SH2B3: variants seen among roughly 807,000 people sequenced by gnomAD.
SH2B3 encodes the protein SH2B adapter protein 3.
A neutral mutation model predicts 51.9 loss-of-function variants in SH2B3; 43 were observed. That is an observed-to-expected ratio of 0.83 (90% CI 0.65 to 1.07). The LOEUF (loss-of-function observed/expected upper bound fraction) is 1.07. Among genes scored for constraint, SH2B3 ranks in the 50% least tolerant of loss-of-function variants. SH2B3 has a pLI of 0.00. For synonymous variants in SH2B3, 396 were observed against 376.0 expected, an observed-to-expected ratio of 1.05 and a Z score of -0.62; for missense variants, 952 against 834.3, an observed-to-expected ratio of 1.14 and a Z score of -1.74.
rs1565992800 is a variant in SH2B3, at chr12:111,448,203, G to T, written c.1629G>T (p.Glu543Asp). 1.2e-6 allele frequency: 2 copies of T among 1,614,124 alleles called. No individual in the cohort carries two copies. The highest frequency in any genetic ancestry group is 8.5e-7 in the Non-Finnish European group (1 of 1,180,020). ...EELANSLQHL[E>D]HEPVNRARDS... ...TGGCCAACAGCCTGCAGCACCTGGAGCATGAGCCTGTGAATCGAGCCCGGG... is the reference window on the plus strand; with the variant it reads ...TGGCCAACAGCCTGCAGCACCTGGATCATGAGCCTGTGAATCGAGCCCGGG... Residue 543 changes from glutamate (E) to aspartate (D), a missense_variant, in exon 8 of 8, where the codon GAG becomes GAT. Glu to Asp is a conservative substitution (Grantham distance 45, BLOSUM62 2). Coordinates refer to ENST00000341259, the MANE Select transcript of SH2B3 (RefSeq NM_005475.3).
Position 111,418,782 on chromosome 12 carries a change from A to G in SH2B3, c.637A>G (p.Ser213Gly). 6.8e-7 allele frequency: 1 copy of G among 1,466,886 alleles called. No homozygotes were observed. Among genetic ancestry groups the G allele is most frequent in the African/African-American group, 1.5e-5 (1 of 67,186 alleles). The allele number at this position is 1,466,886 out of a possible 1,614,324, so 90.9% of individuals were successfully genotyped here. A position where few individuals can be genotyped will look rare whatever the true frequency, so the allele number is the denominator to read the frequency against. The stretch of plus-strand genomic sequence containing the variant: ...CCTGGCCGACGAGGCCTCCATGGAC[A>G]GCGGGGCACGCTGGCAGCGCGGGAG... ...YSLADEASMD[S>G]GARWQRGRLA... is the part of the protein sequence containing the mutation. The change falls in exon 2 of 8, where the codon AGC (serine) becomes GGC (glycine). Residue 213 changes from serine (S) to glycine (G), a missense_variant. Transcript: ENST00000341259. This position sits in a 1 kb window ranked among gnomAD's most constrained non-coding sequence, Gnocchi z 6.7.
rs1874543660 is a variant in SH2B3, at chr12:111,451,084, C to CT, written c.*2783dup. 1 of 152,724 alleles carries CT rather than the reference C, an allele frequency of 6.5e-6. No individual in the cohort carries two copies. The highest frequency in any genetic ancestry group is 1.5e-5 in the Non-Finnish European group (1 of 68,072). 9.5% of individuals were successfully genotyped at this position (152,724 alleles called of 1,614,324 possible). A position where few individuals can be genotyped will look rare whatever the true frequency, so the allele number is the denominator to read the frequency against. ...ATCTGACTTATTGAACTTTTACAAA[C>CT]TAACAGTCACCAGCACCAAAGAATT... On this transcript the variant is annotated 3_prime_UTR_variant, in exon 8 of 8. Coordinates refer to ENST00000341259, the MANE Select transcript of SH2B3 (RefSeq NM_005475.3).
At chr12:111,433,261 G>T (rs1234710200) in intron 2 of SH2B3, among the ~76,000 whole-genome samples, 1 of 152,124 alleles carries the variant, frequency 6.6e-6, no homozygotes, top group Admixed American at 6.6e-5. Context: ...TGAGGCAGAA[G>T]AATCACTTGA....
At position 111,438,575 on chromosome 12, in the gene SH2B3, T is replaced by G. The variant is rs930300376; in HGVS notation, c.733-8178T>G. 2.6e-5 allele frequency among the ~76,000 whole-genome samples: 4 copies of G among 152,170 alleles called. No homozygotes were observed. Among genetic ancestry groups the G allele is most frequent in the Non-Finnish European group, 5.9e-5 (4 of 68,026 alleles). On this transcript the variant is annotated intron_variant, in intron 2 of 7. Coordinates refer to ENST00000341259, the MANE Select transcript of SH2B3 (RefSeq NM_005475.3). The surrounding 1 kb of genome is among the most constrained non-coding windows in gnomAD (Gnocchi z 4.2). ...TGCTTAGCCAGCAAAAGGCTTATGA[T>G]GAATGTTGAGCACCCACCACCTAGC...
chr12:111,433,516 C>T (rs1195125128), intron 2 of SH2B3, among the ~76,000 whole-genome samples: 2 of 152,136 alleles, frequency 1.3e-5, no homozygotes, highest in Non-Finnish European at 2.9e-5. Flanking sequence ...GCCATCCCAG[C>T]CATCTTAAAG....
At chr12:111,408,622 T>A (rs1266212812) in intron 1 of SH2B3, among the ~76,000 whole-genome samples, 1 of 151,990 alleles carries the variant, frequency 6.6e-6, no homozygotes, top group African/African-American at 2.4e-5. Context: ...CTGTCTGTGG[T>A]GAGGGGAGAC....
At chr12:111,445,827 G>A (rs1398524183) in intron 2 of SH2B3, among the ~76,000 whole-genome samples, 1 of 152,234 alleles carries the variant, frequency 6.6e-6, no homozygotes, top group Non-Finnish European at 1.5e-5. Flanking sequence ...TGTGTGTAAA[G>A]CAAGGTTAAG....
At position 111,410,658 on chromosome 12, in the gene SH2B3, G is replaced by C. The variant is rs1016120867; in HGVS notation, c.-28+4381G>C. ...GATAAATGTCCCCGGGGCACAAGGT[G>C]ACCCCAGCAAGGGTGCATCAGTGTC... On this transcript the variant is annotated intron_variant, in intron 1 of 7. Transcript: ENST00000341259. The surrounding 1 kb of genome is among the most constrained non-coding windows in gnomAD (Gnocchi z 4.9). Among the ~76,000 whole-genome samples the C allele has an allele frequency of 6.6e-6, 1 of 152,188 alleles. No homozygotes were observed. Among genetic ancestry groups the C allele is most frequent in the African/African-American group, 2.4e-5 (1 of 41,434 alleles).
In SH2B3 at chr12:111,429,370, C is replaced by T. The variant is rs778796951; in HGVS notation, c.732+10493C>T. ...ATTTAGAGACAGAGTCTCGCTCTGT[C>T]GCCCAGGTTAGAGCAGAGTGGTGTG... On this transcript the variant is annotated intron_variant, in intron 2 of 7. Coordinates refer to ENST00000341259, the MANE Select transcript of SH2B3 (RefSeq NM_005475.3). The surrounding 1 kb of genome is among the most constrained non-coding windows in gnomAD (Gnocchi z 4.4). Among the ~76,000 whole-genome samples, 3 of 152,166 alleles carry T rather than the reference C, an allele frequency of 2.0e-5. No individual in the cohort carries two copies. Among genetic ancestry groups the T allele is most frequent in the Non-Finnish European group, 2.9e-5 (2 of 68,012 alleles).
At chr12:111,444,913 G>T (rs149419149) in intron 2 of SH2B3, 2 of 983,516 alleles carry the variant, frequency 2.0e-6, no homozygotes, top group African/African-American at 3.5e-5. Context: ...TGAGATTGTG[G>T]CTCTAGGCCT....
intron 2 of SH2B3, among the ~76,000 whole-genome samples, chr12:111,436,378 C>T (rs1016336367): frequency 7.9e-5 from 12 of 152,164 alleles, no homozygotes; most frequent in Admixed American, 3.9e-4. Flanking sequence ...GTGCCCACTG[C>T]GGGGTAGGGA....
At chr12:111,434,878 G>A (rs1204698916) in intron 2 of SH2B3, 30 of 1,535,366 alleles carry the variant, frequency 2.0e-5, no homozygotes, top group Admixed American at 3.9e-5. Flanking sequence ...ATGAGAGTCC[G>A]TGCCGGGTGG....
Position 111,418,476 on chromosome 12 carries a change from G to A in SH2B3, c.331G>A (p.Ala111Thr), listed in dbSNP as rs1871263062. Residue 111 changes from alanine (A) to threonine (T), a missense_variant, in exon 2 of 8, where the codon GCC becomes ACC. Physicochemically the swap from Ala to Thr is moderately conservative, Grantham distance 58. Transcript: ENST00000341259. This position sits in a 1 kb window ranked among gnomAD's most constrained non-coding sequence, Gnocchi z 6.7. The part of the protein sequence containing the change: ...EASPEPGPGP[A>T]APGLPKARSS... ...GTCCCCGGAGCCAGGCCCCGGCCCC[G>A]CCGCCCCTGGCCTGCCCAAGGCCCG... is the stretch of plus-strand genomic sequence containing the variant. 1.5e-6 allele frequency: 2 copies of A among 1,349,758 alleles called. No individual in the cohort carries two copies. Among genetic ancestry groups the A allele is most frequent in the African/African-American group, 1.6e-5 (1 of 63,816 alleles). The allele number at this position is 1,349,758 out of a possible 1,614,324, so 83.6% of individuals were successfully genotyped here. A position where few individuals can be genotyped will look rare whatever the true frequency, so the allele number is the denominator to read the frequency against.
At chr12:111,427,604 G>A (rs1332048723) in intron 2 of SH2B3, among the ~76,000 whole-genome samples, 1 of 152,132 alleles carries the variant, frequency 6.6e-6, no homozygotes, top group African/African-American at 2.4e-5. Flanking sequence ...TTCCCGGGGA[G>A]GTGGGGCTCC....
rs575071206 is a variant in SH2B3, at chr12:111,410,055, C to A, written c.-28+3778C>A. On this transcript the variant is annotated intron_variant, in intron 1 of 7. Transcript: ENST00000341259. This position sits in a 1 kb window ranked among gnomAD's most constrained non-coding sequence, Gnocchi z 4.9. The stretch of plus-strand genomic sequence containing the variant: ...GGGGCCCACCCGGATGTGGCTACCC[C>A]CCGGCTGGCCAGTGGGGAGCCGGCT... Among the ~76,000 whole-genome samples the A allele has an allele frequency of 6.6e-5, 10 of 152,324 alleles. No homozygotes were observed. In the South Asian group the frequency reaches 1.7e-3, roughly 25 times the overall value.
chr12:111,449,787 CAT>C lies in SH2B3; in HGVS notation c.*1487_*1488del, dbSNP rs1387306364. ...TAAAATGAAACCTCAGCCTAAAACT[CAT>C]AGGACTGACTGCCTGGGAGGAGGGT... On this transcript the variant is annotated 3_prime_UTR_variant, in exon 8 of 8. Coordinates refer to ENST00000341259, the MANE Select transcript of SH2B3 (RefSeq NM_005475.3). 1 of 152,190 alleles carries C rather than the reference CAT, an allele frequency of 6.6e-6. No homozygotes were observed. Among genetic ancestry groups the C allele is most frequent in the African/African-American group, 2.4e-5 (1 of 41,456 alleles). 9.4% of individuals were successfully genotyped at this position (152,190 alleles called of 1,614,324 possible).
intron 2 of SH2B3, among the ~76,000 whole-genome samples, chr12:111,440,258 C>T (rs1383297770): frequency 6.6e-6 from 1 of 152,228 alleles, no homozygotes; most frequent in Non-Finnish European, 1.5e-5. Flanking sequence ...CACAGGAGGG[C>T]CACGTGAGGC....
chr12:111,422,749 A>T lies in SH2B3; in HGVS notation c.732+3872A>T, dbSNP rs112631806. The stretch of plus-strand genomic sequence containing the variant: ...CTAATTTTTTGTATTTTTAGTAGAG[A>T]TGGGTTTTCGCCATGTTGGCCAGGC... On this transcript the variant is annotated intron_variant, in intron 2 of 7. Transcript: ENST00000341259. 5.1e-3 allele frequency among the ~76,000 whole-genome samples: 776 copies of T among 151,890 alleles called. 6 individuals carry two copies. The highest frequency in any genetic ancestry group is 9.0e-3 in the Non-Finnish European group (612 of 67,956).
At position 111,446,796 on chromosome 12, in the gene SH2B3, A is replaced by C; in HGVS notation, c.776A>C (p.Glu259Ala). The C allele has an allele frequency of 6.4e-7, 1 of 1,565,326 alleles. No homozygotes were observed. The highest frequency in any genetic ancestry group is 2.3e-5 in the East Asian group (1 of 44,412). ...KLQAACSSIQ[E>A]VRWCTRLEMP... ...CAAGCAGCTTGCTCCAGCATCCAGG[A>C]GGTCCGGTGGTGCACACGGCTTGAG... The change falls in exon 3 of 8, where the codon GAG becomes GCG. Residue 259 changes from glutamate (E) to alanine (A), a missense_variant. Glu to Ala is a moderately radical substitution (Grantham distance 107, BLOSUM62 -1). Coordinates refer to ENST00000341259, the MANE Select transcript of SH2B3 (RefSeq NM_005475.3).
Sources: allele counts gnomAD v4.1 joint callset (sites outside exome capture counted in the v4.1 genomes callset), GRCh38; gene constraint gnomAD v4.1.1; non-coding constraint Gnocchi (gnomAD v3.1); transcripts MANE v1.5; gene names NCBI Gene and HGNC (gene_info 2026-07-23, HGNC 2026-07-21).